The following SGCZ variants were observed in gnomAD, a reference collection of about 807,000 sequenced individuals.
The protein encoded by SGCZ is zeta-sarcoglycan.
Under a neutral mutation model 41.3 loss-of-function variants are expected in SGCZ, and 40 were observed. The observed-to-expected ratio is 0.97, with a 90% CI of 0.75 to 1.26. SGCZ has a LOEUF of 1.26. Ranked by LOEUF, SGCZ falls within the 50% of genes most tolerant of loss-of-function variation. The pLI is 0.00. For synonymous variants in SGCZ, 206 were observed against 137.5 expected (o/e 1.50, Z -3.49); for missense variants, 552 against 369.8 (o/e 1.49, Z -4.04).
At chr8:14,583,600 T>C (rs1804966104) in intron 1 of SGCZ, among the ~76,000 whole-genome samples, 1 of 152,180 alleles carries the variant, frequency 6.6e-6, no homozygotes, top group Non-Finnish European at 1.5e-5. Flanking sequence ...TCCTGAATGG[T>C]AGTGCCTAGG....
intron 1 of SGCZ, among the ~76,000 whole-genome samples, chr8:15,054,132 G>C (rs1804620818): frequency 6.6e-6 from 1 of 152,178 alleles, no homozygotes; most frequent in Non-Finnish European, 1.5e-5. Context: ...ATATTGATAA[G>C]AATCTGTGTA....
chr8:14,693,675 C>T (rs908357531), intron 1 of SGCZ, among the ~76,000 whole-genome samples: 1 of 147,648 alleles, frequency 6.8e-6, no homozygotes, highest in Non-Finnish European at 1.5e-5. Context: ...ACTGCAAGCT[C>T]CGCCTCCCGG....
chr8:15,155,875 T>C (rs1440175343), intron 1 of SGCZ, among the ~76,000 whole-genome samples: 2 of 152,096 alleles, frequency 1.3e-5, no homozygotes, highest in Admixed American at 6.5e-5. Context: ...CTGGACAACA[T>C]GGCGAAACTC....
chr8:14,890,518 A>C (rs1299872181), intron 1 of SGCZ, among the ~76,000 whole-genome samples: 1 of 152,202 alleles, frequency 6.6e-6, no homozygotes, highest in Non-Finnish European at 1.5e-5. Flanking sequence ...AGGAAGCTCA[A>C]CAAGAAAAGT....
chr8:14,402,629 T>C (rs1282534036), intron 2 of SGCZ, among the ~76,000 whole-genome samples: 1 of 142,742 alleles, frequency 7.0e-6, no homozygotes, highest in Non-Finnish European at 1.5e-5. Flanking sequence ...GAGGGCTCTG[T>C]TCTGTTCCAT....
Position 14,369,434 on chromosome 8 carries a change from C to G in SGCZ, c.235-45230G>C, listed in dbSNP as rs552694187. Among the ~76,000 whole-genome samples, 6 of 152,082 alleles carry G rather than the reference C, an allele frequency of 3.9e-5. No homozygotes were observed. In the South Asian group the frequency reaches 8.3e-4, roughly 21 times the overall value. On this transcript the variant is annotated intron_variant, in intron 2 of 7. Coordinates refer to ENST00000382080, the MANE Select transcript of SGCZ (RefSeq NM_139167.4). ...GTCTTTATCAGGAATGCCAGGAATT[C>G]AGACTGTGCCCTTCCCAGTGCATCA...
At chr8:14,575,185 T>A (rs1046821870) in intron 1 of SGCZ, among the ~76,000 whole-genome samples, 3 of 152,224 alleles carry the variant, frequency 2.0e-5, no homozygotes, top group Non-Finnish European at 4.4e-5. Flanking sequence ...AGTAGTTACC[T>A]TTTAAGATGT....
At chr8:14,707,814 C>T (rs984872884) in intron 1 of SGCZ, among the ~76,000 whole-genome samples, 12 of 152,196 alleles carry the variant, frequency 7.9e-5, no homozygotes, top group Non-Finnish European at 1.5e-5. Flanking sequence ...CAAAATAAAT[C>T]ACAATTAATT....
At position 14,491,430 on chromosome 8, in the gene SGCZ, T is replaced by A. The variant is rs528003710; in HGVS notation, c.234+63302A>T. Among the ~76,000 whole-genome samples, 298 of 152,300 alleles carry A rather than the reference T, an allele frequency of 2.0e-3. 3 individuals carry two copies. Among genetic ancestry groups the A allele is most frequent in the Middle Eastern group, 0.01 (3 of 294 alleles). On this transcript the variant is annotated intron_variant, in intron 2 of 7. Coordinates refer to ENST00000382080, the MANE Select transcript of SGCZ (RefSeq NM_139167.4). ...GAGTCTGCAGAGATTTCTAAGGCGATTTGAGTGCTAAGCTGTCTAACTAGT... is the reference window on the plus strand; with the variant it reads ...GAGTCTGCAGAGATTTCTAAGGCGAATTGAGTGCTAAGCTGTCTAACTAGT...
intron 1 of SGCZ, among the ~76,000 whole-genome samples, chr8:14,563,275 C>T (rs530331737): frequency 6.6e-6 from 1 of 152,222 alleles, no homozygotes; most frequent in South Asian, 2.1e-4. Context: ...TCCATTCCTT[C>T]AGTGAGGTTT....
At chr8:14,342,104 A>C (rs912635722) in intron 2 of SGCZ, among the ~76,000 whole-genome samples, 127 of 152,150 alleles carry the variant, frequency 8.3e-4, no homozygotes, top group African/African-American at 2.8e-3. Context: ...AAACTTGTTG[A>C]ATGGCTTTGC....
At chr8:14,133,811 TC>T (rs1165902341) in intron 5 of SGCZ, among the ~76,000 whole-genome samples, 2 of 152,216 alleles carry the variant, frequency 1.3e-5, no homozygotes, top group Non-Finnish European at 2.9e-5. Context: ...ATCATTTCGC[TC>T]ATATTAACCT....
intron 1 of SGCZ, among the ~76,000 whole-genome samples, chr8:14,823,385 A>T (rs1387732690): frequency 6.6e-6 from 1 of 152,182 alleles, no homozygotes; most frequent in Non-Finnish European, 1.5e-5. Flanking sequence ...ACTCAACAAT[A>T]AAAAATAAAT....
At chr8:14,674,770 AG>A (rs1451050597) in intron 1 of SGCZ, among the ~76,000 whole-genome samples, 2 of 151,196 alleles carry the variant, frequency 1.3e-5, no homozygotes, top group African/African-American at 4.9e-5. Flanking sequence ...AAAAGTGTGT[AG>A]CCCCTCCCCT....
chr8:14,560,430 G>C (rs1479882797), intron 1 of SGCZ, among the ~76,000 whole-genome samples: 1 of 151,946 alleles, frequency 6.6e-6, no homozygotes, highest in East Asian at 1.9e-4. Flanking sequence ...GAAGAACAAG[G>C]AGGAGCGGAG....
At chr8:14,949,622 T>G (rs899101115) in intron 1 of SGCZ, among the ~76,000 whole-genome samples, 1 of 152,108 alleles carries the variant, frequency 6.6e-6, no homozygotes, top group Non-Finnish European at 1.5e-5. Context: ...CATGGAGACA[T>G]TTCTATTTTG....
intron 1 of SGCZ, among the ~76,000 whole-genome samples, chr8:14,820,731 T>C (rs1802050656): frequency 6.6e-6 from 1 of 151,986 alleles, no homozygotes; most frequent in Non-Finnish European, 1.5e-5. Flanking sequence ...AACTTGTTCC[T>C]TTGAAACCAA....
chr8:14,259,320 T>A (rs576470587), intron 3 of SGCZ, among the ~76,000 whole-genome samples: 4 of 152,120 alleles, frequency 2.6e-5, no homozygotes, highest in African/African-American at 9.6e-5. Flanking sequence ...TTTAATTAGA[T>A]CCCATTTGTC....
chr8:14,469,851 G>C (rs1184506615), intron 2 of SGCZ, among the ~76,000 whole-genome samples: 1 of 152,134 alleles, frequency 6.6e-6, no homozygotes, highest in Non-Finnish European at 1.5e-5. Flanking sequence ...CCTAGAGAGG[G>C]CATGGAAGCT....
Sources: gnomAD v4.1 joint callset for allele counts (sites outside exome capture counted in the v4.1 genomes callset) on GRCh38, gnomAD v4.1.1 for gene constraint, MANE v1.5 for transcripts, NCBI Gene and HGNC (gene_info 2026-07-23, HGNC 2026-07-21) for gene names.